Variants in SH3D19 observed in about 807,000 individuals in gnomAD.
SH3D19 encodes SH3 domain containing 19, also known as SH3 domain-containing protein 19.
A neutral mutation model predicts 112.1 loss-of-function variants in SH3D19; 58 were observed. The ratio of observed to expected loss-of-function variants is 0.52; its 90% confidence interval spans 0.42 to 0.64. The LOEUF (loss-of-function observed/expected upper bound fraction) is 0.64. SH3D19 is among the 30% of genes least tolerant of loss of function. SH3D19 has a pLI of 0.00. For missense variants in SH3D19, 1,090 were observed against 1,263.4 expected (o/e 0.86, Z 2.08); for synonymous variants, 391 against 448.5 (o/e 0.87, Z 1.62).
At chr4:151,187,332 G>T in intron 3 of SH3D19, 91 bp downstream of exon 3, 1 of 763,026 alleles carries the variant, frequency 1.3e-6, no homozygotes, top group Non-Finnish European at 1.8e-6. Flanking sequence ...GTTCTTTGTA[G>T]ATTCGTCAAA....
intron 2 of SH3D19, among the ~76,000 whole-genome samples, chr4:151,213,301 CTG>C (rs1766278840): frequency 6.6e-6 from 1 of 152,182 alleles, no homozygotes; most frequent in African/African-American, 2.4e-5. Context: ...TGCAGAGAAA[CTG>C]TGAAAGGAAG....
intron 1 of SH3D19, among the ~76,000 whole-genome samples, chr4:151,296,449 C>G (rs541080503): frequency 4.6e-5 from 7 of 152,218 alleles, no homozygotes; most frequent in African/African-American, 1.7e-4. Flanking sequence ...AGTTGGCAGG[C>G]GGCCACCCAG....
At chr4:151,179,169 G>A (rs1244293872) in intron 4 of SH3D19, among the ~76,000 whole-genome samples, 186 bp downstream of exon 4, 1 of 152,196 alleles carries the variant, frequency 6.6e-6, no homozygotes, top group Non-Finnish European at 1.5e-5. Flanking sequence ...TTTCAAGCCT[G>A]TATCACTCCT....
intron 1 of SH3D19, among the ~76,000 whole-genome samples, chr4:151,298,147 C>T (rs1280628980): frequency 2.7e-5 from 4 of 150,268 alleles, no homozygotes; most frequent in Admixed American, 1.3e-4. Context: ...AAATTGATTT[C>T]AGACTTTAGA....
intron 7 of SH3D19, among the ~76,000 whole-genome samples, chr4:151,167,018 G>A (rs1322312068): frequency 6.6e-6 from 1 of 152,048 alleles, no homozygotes; most frequent in Non-Finnish European, 1.5e-5. Context: ...CACTTAGGAA[G>A]GGTCCCCAGA....
At chr4:151,209,240 G>A (rs1765588777) in intron 2 of SH3D19, among the ~76,000 whole-genome samples, 4 of 151,812 alleles carry the variant, frequency 2.6e-5, no homozygotes, top group African/African-American at 9.7e-5. Context: ...CTTCTCGAGT[G>A]GTTCTACCAA....
chr4:151,283,190 C>T (rs1476817795), intron 1 of SH3D19: 2 of 1,613,894 alleles, frequency 1.2e-6, no homozygotes, highest in Middle Eastern at 1.6e-4. Context: ...AACAGCTCTA[C>T]AATCCCATCG....
At chr4:151,195,108 T>C (rs1198852926) in intron 2 of SH3D19, among the ~76,000 whole-genome samples, 1 of 145,664 alleles carries the variant, frequency 6.9e-6, no homozygotes, top group African/African-American at 2.5e-5. Context: ...CGGTGGCTCA[T>C]GCCTATATTC....
chr4:151,291,206 C>G (rs777731263), intron 1 of SH3D19: 4 of 1,613,848 alleles, frequency 2.5e-6, no homozygotes, highest in Non-Finnish European at 3.4e-6. Context: ...TGTGGTAAAT[C>G]TCTTCCTGGA....
At position 151,150,206 on chromosome 4, in the gene SH3D19, A is replaced by ATATAT. The variant is rs1554037660; in HGVS notation, c.1756-646_1756-645insATATA. On this transcript the variant is annotated intron_variant, in intron 9 of 19. Transcript: ENST00000604030. The stretch of plus-strand genomic sequence containing the variant: ...TCTCAAAAAAAAAAAAAAAAAAAAA[A>ATATAT]ATATATATATATATATATATATACA... Among the ~76,000 whole-genome samples the ATATAT allele has an allele frequency of 6.5e-4, 30 of 46,180 alleles. 1 individual carries two copies. Among genetic ancestry groups the ATATAT allele is most frequent in the African/African-American group, 2.1e-3 (29 of 13,978 alleles). 30.3% of individuals were successfully genotyped at this position (46,180 alleles called of 152,430 possible). A position where few individuals can be genotyped will look rare whatever the true frequency, so the allele number is the denominator to read the frequency against.
At chr4:151,245,793 G>C (rs1407759146) in intron 1 of SH3D19, among the ~76,000 whole-genome samples, 2 of 152,130 alleles carry the variant, frequency 1.3e-5, no homozygotes, top group African/African-American at 2.4e-5. Context: ...GTAGAGACGA[G>C]GTTTCACCAT....
chr4:151,214,029 T>C (rs1435211498), intron 2 of SH3D19, among the ~76,000 whole-genome samples: 1 of 149,234 alleles, frequency 6.7e-6, no homozygotes, highest in African/African-American at 2.5e-5. Flanking sequence ...CCGCAGTGTT[T>C]GTGTCCCTGG....
At chr4:151,163,382 A>G (rs921952619) in intron 8 of SH3D19, among the ~76,000 whole-genome samples, 39 of 152,190 alleles carry the variant, frequency 2.6e-4, no homozygotes, top group African/African-American at 9.4e-4. Flanking sequence ...TGTATTTATT[A>G]CTAATTTCTG....
chr4:151,286,982 A>AAATAATAATAAT (rs113584974), intron 1 of SH3D19, among the ~76,000 whole-genome samples: 2,942 of 141,806 alleles, frequency 0.021, 92 homozygotes, highest in African/African-American at 0.069. Flanking sequence ...TCTGTCTCAA[A>AAATAATAATAAT]AATAATAATA....
At chr4:151,174,585 T>C (rs1579960004) in intron 7 of SH3D19, 85 bp downstream of exon 7, 7 of 1,281,958 alleles carry the variant, frequency 5.5e-6, no homozygotes, top group Middle Eastern at 2.5e-4. Context: ...CAATAACTTA[T>C]GTACCAGAAA....
At chr4:151,204,597 G>C (rs931785119) in intron 2 of SH3D19, among the ~76,000 whole-genome samples, 4 of 152,074 alleles carry the variant, frequency 2.6e-5, no homozygotes, top group African/African-American at 4.8e-5. Context: ...AGAAACTCCA[G>C]TACATCTGCC....
At chr4:151,277,211 G>C (rs770835248) in intron 1 of SH3D19, 8 of 1,503,412 alleles carry the variant, frequency 5.3e-6, no homozygotes, top group Middle Eastern at 1.8e-4. Context: ...TGCTCCTTCT[G>C]CTGGGGATCT....
chr4:151,138,684 TCTCACACACACACACACACACACACACA>T (rs1752360665), intron 13 of SH3D19, among the ~76,000 whole-genome samples: 1 of 135,894 alleles, frequency 7.4e-6, no homozygotes, highest in East Asian at 2.0e-4. Context: ...CAAGATCTTG[TCTCACACACACACACACACACACACACA>T]CACACACACA....
intron 9 of SH3D19, among the ~76,000 whole-genome samples, chr4:151,150,211 A>ATATC: frequency 2.2e-5 from 1 of 45,442 alleles, no homozygotes; most frequent in African/African-American, 5.3e-5. Flanking sequence ...AAAAAAATAT[A>ATATC]TATATATATA....
Sources: gnomAD v4.1 joint callset for allele counts (sites outside exome capture counted in the v4.1 genomes callset) on GRCh38, gnomAD v4.1.1 for gene constraint, MANE v1.5 for transcripts, NCBI Gene and HGNC (gene_info 2026-07-23, HGNC 2026-07-21) for gene names.